The following KANK1 variants were observed in gnomAD, a reference collection of about 807,000 sequenced individuals.
The protein encoded by KANK1 is KN motif and ankyrin repeat domain-containing protein 1.
In KANK1, 109 loss-of-function variants were observed where a neutral mutation model predicts 106.2. That is an observed-to-expected ratio of 1.03 (90% confidence interval 0.88 to 1.20). The LOEUF is 1.20. KANK1 is among the 50% of genes most tolerant of loss of function. The probability of loss-of-function intolerance (pLI) is 0.00; values close to 1 mark genes in which losing one functional copy is unlikely to be tolerated. For missense variants in KANK1, 2,399 were observed against 1,710.7 expected (o/e 1.40, Z -7.10); for synonymous variants, 873 against 652.2 (o/e 1.34, Z -5.16).
Position 732,475 on chromosome 9 carries a change from G to C in KANK1, c.3103G>C (p.Glu1035Gln). The C allele has an allele frequency of 1.9e-6, 3 of 1,598,778 alleles. No homozygotes were observed. The highest frequency in any genetic ancestry group is 1.1e-5 in the South Asian group (1 of 90,230). ...CDVIEYPLEEEEEEEDEDTRG... is the reference protein window; with the variant it reads ...CDVIEYPLEEQEEEEDEDTRG... ...TGTCATTGAGTATCCTCTTGAAGAA[G>C]AGGAGGAGGAGGAGGATGAAGACAC... Residue 1035 changes from glutamate (E) to glutamine (Q), a missense_variant, in exon 6 of 12, where the codon GAG becomes CAG. By Grantham distance (29) the Glu-to-Gln change is conservative. Transcript: ENST00000382297.
chr9:720,013 A>G (rs572615221), intron 3 of KANK1, among the ~76,000 whole-genome samples: 18 of 152,344 alleles, frequency 1.2e-4, no homozygotes, highest in Non-Finnish European at 2.2e-4. Context: ...AATTTAATAT[A>G]TGGATAATTA....
Position 565,463 on chromosome 9 carries a change from A to G in KANK1, c.-84+60709A>G, listed in dbSNP as rs961307390. 2.7e-4 allele frequency among the ~76,000 whole-genome samples: 41 copies of G among 152,208 alleles called. 1 individual carries two copies. Among genetic ancestry groups the G allele is most frequent in the African/African-American group, 8.9e-4 (37 of 41,444 alleles). On this transcript the variant is annotated intron_variant, in intron 1 of 11. Transcript: ENST00000382297. ...GGTATTGCAGTAAAGAAAGAGTTTAATTGACGAAGAGGTGGCTAGCCGCAT... is the reference window on the plus strand; with the variant it reads ...GGTATTGCAGTAAAGAAAGAGTTTAGTTGACGAAGAGGTGGCTAGCCGCAT...
intron 1 of KANK1, among the ~76,000 whole-genome samples, chr9:508,111 C>T (rs910142050): frequency 4.2e-5 from 6 of 143,690 alleles, no homozygotes; most frequent in East Asian, 2.0e-4. Flanking sequence ...TGTGAGACAC[C>T]CTGCTCAGCC....
intron 1 of KANK1, among the ~76,000 whole-genome samples, chr9:592,127 T>G (rs922167151): frequency 2.6e-5 from 4 of 151,792 alleles, no homozygotes; most frequent in Non-Finnish European, 5.9e-5. Flanking sequence ...TAGGAAAAGA[T>G]GCAAACCTTC....
intron 1 of KANK1, among the ~76,000 whole-genome samples, chr9:577,930 G>C (rs1821013734): frequency 6.6e-6 from 1 of 152,146 alleles, no homozygotes; most frequent in Non-Finnish European, 1.5e-5. Context: ...ATGGCATCCT[G>C]CAAAGCCCCA....
intron 2 of KANK1, chr9:680,717 CG>C (rs1406839406): frequency 2.0e-5 from 3 of 152,096 alleles, no homozygotes; most frequent in Admixed American, 2.0e-4. Context: ...ATACTAAGCA[CG>C]TGTTCATCGT....
rs756552288 is a variant in KANK1, at chr9:710,795, C to G, written c.38-9C>G. 1.9e-6 allele frequency: 3 copies of G among 1,561,372 alleles called. No homozygotes were observed. The highest frequency in any genetic ancestry group is 2.8e-5 in the African/African-American group (2 of 72,402). The stretch of plus-strand genomic sequence containing the variant: ...ATGTCATTATAATATTCTTTTCTCC[C>G]TCTTCTAGGAAAAGCAGGTGATATT... On this transcript the variant is annotated splice_polypyrimidine_tract_variant and intron_variant, in intron 2 of 11. Transcript: ENST00000382297.
Position 635,551 on chromosome 9 carries a change from C to G in KANK1, c.-83-41339C>G, listed in dbSNP as rs139153047. Among the ~76,000 whole-genome samples the G allele has an allele frequency of 1.7e-3, 263 of 152,180 alleles. 12 individuals are homozygous for G. The East Asian group carries it at 0.032, about 19-fold the overall frequency. On this transcript the variant is annotated intron_variant, in intron 1 of 11. Coordinates refer to ENST00000382297, the MANE Select transcript of KANK1 (RefSeq NM_015158.5). Reference sequence around the variant, plus strand: ...TCATATCAGCCCCTTGAGACTGGAGCTAGTCTTCAAAATGGAATAATAGTG... The same window carrying G: ...TCATATCAGCCCCTTGAGACTGGAGGTAGTCTTCAAAATGGAATAATAGTG...
chr9:528,469 C>CTTTTTTTTTTTTTTTTTTT lies in KANK1; in HGVS notation c.-84+23727_-84+23745dup, dbSNP rs36072780. 8.2e-5 allele frequency among the ~76,000 whole-genome samples: 7 copies of CTTTTTTTTTTTTTTTTTTT among 85,126 alleles called. 1 individual carries two copies. Among genetic ancestry groups the CTTTTTTTTTTTTTTTTTTT allele is most frequent in the African/African-American group, 2.5e-4 (6 of 23,624 alleles). The allele number at this position is 85,126 out of a possible 152,430, so 55.8% of individuals were successfully genotyped here. On this transcript the variant is annotated intron_variant, in intron 1 of 11. Coordinates refer to ENST00000382297, the MANE Select transcript of KANK1 (RefSeq NM_015158.5). ...ACCATTTTACTGAATTAAAAAATAA[C>CTTTTTTTTTTTTTTTTTTT]TTTTTTTTTTTTTTTTTTTTTTTTT...
At chr9:507,471 C>T (rs1294693661) in intron 1 of KANK1, among the ~76,000 whole-genome samples, 1 of 152,122 alleles carries the variant, frequency 6.6e-6, no homozygotes, top group Non-Finnish European at 1.5e-5. Context: ...CTCACTGCAA[C>T]CTCCGCCTCC....
intron 2 of KANK1, among the ~76,000 whole-genome samples, chr9:694,519 G>C (rs1412343981): frequency 6.6e-6 from 1 of 152,166 alleles, no homozygotes; most frequent in Non-Finnish European, 1.5e-5. Flanking sequence ...AGGAGCCCAT[G>C]GCATTTTGGC....
At chr9:508,494 A>G (rs961287662) in intron 1 of KANK1, among the ~76,000 whole-genome samples, 9 of 152,234 alleles carry the variant, frequency 5.9e-5, no homozygotes, top group African/African-American at 1.9e-4. Context: ...GAACATAAAC[A>G]TATAACAAGT....
At chr9:703,477 A>C (rs1823214978) in intron 2 of KANK1, among the ~76,000 whole-genome samples, 1 of 152,162 alleles carries the variant, frequency 6.6e-6, no homozygotes, top group African/African-American at 2.4e-5. Context: ...ATGAAAGTAG[A>C]GGTGGTGCCA....
intron 1 of KANK1, among the ~76,000 whole-genome samples, chr9:529,234 T>TACACACACAC (rs5895851): frequency 3.4e-5 from 5 of 148,704 alleles, no homozygotes; most frequent in African/African-American, 1.0e-4. Context: ...TATATATATA[T>TACACACACAC]ACACACACAC....
At chr9:699,828 A>G (rs559237112) in intron 2 of KANK1, among the ~76,000 whole-genome samples, 1 of 152,332 alleles carries the variant, frequency 6.6e-6, no homozygotes, top group Non-Finnish European at 1.5e-5. Context: ...TAAAAAATTT[A>G]AAAATTAGCC....
At chr9:628,649 C>A (rs1332395524) in intron 1 of KANK1, among the ~76,000 whole-genome samples, 2 of 152,142 alleles carry the variant, frequency 1.3e-5, no homozygotes, top group African/African-American at 4.8e-5. Flanking sequence ...TTCAAATCTT[C>A]AGGGGAGATT....
intron 1 of KANK1, among the ~76,000 whole-genome samples, chr9:631,341 G>A (rs1169291477): frequency 6.6e-6 from 1 of 152,192 alleles, no homozygotes; most frequent in Non-Finnish European, 1.5e-5. Context: ...CCCCTGGGCA[G>A]CCTTAACCAG....
chr9:658,445 G>A (rs905994956), intron 1 of KANK1, among the ~76,000 whole-genome samples: 7 of 151,506 alleles, frequency 4.6e-5, no homozygotes, highest in Non-Finnish European at 8.8e-5. Context: ...AGCTCTTTCT[G>A]GCCCCGAGCC....
intron 1 of KANK1, among the ~76,000 whole-genome samples, chr9:635,619 G>A (rs533292805): frequency 6.7e-6 from 1 of 150,102 alleles, no homozygotes; most frequent in South Asian, 2.1e-4. Context: ...TATATGAGTA[G>A]AATAAGAAAA....
Sources: allele counts gnomAD v4.1 joint callset (sites outside exome capture counted in the v4.1 genomes callset), GRCh38; gene constraint gnomAD v4.1.1; transcripts MANE v1.5; gene names NCBI Gene and HGNC (gene_info 2026-07-23, HGNC 2026-07-21).